Variants in IMPG1 observed in about 807,000 individuals in gnomAD.
The protein encoded by IMPG1 is interphotoreceptor matrix proteoglycan 1, also known as interphotoreceptor matrix proteoglycan of 150 kDa.
IMPG1 carries 85 observed loss-of-function variants against 92.0 expected under a neutral mutation model. That is an observed-to-expected ratio of 0.92 (90% CI 0.78 to 1.11). The LOEUF (loss-of-function observed/expected upper bound fraction) is 1.11, where lower values mean the gene tolerates loss of function less well. Ranked by LOEUF, IMPG1 falls within the 50% of genes least tolerant of loss-of-function variation. IMPG1 has a pLI of 0.00. For missense variants in IMPG1, 1,022 were observed against 956.0 expected (o/e 1.07, Z -0.91); for synonymous variants, 367 against 334.1 (o/e 1.10, Z -1.08).
At chr6:76,043,833 A>G (rs759229818) in intron 1 of IMPG1, among the ~76,000 whole-genome samples, 2 of 152,218 alleles carry the variant, frequency 1.3e-5, no homozygotes, top group Non-Finnish European at 2.9e-5. Context: ...CTGTCCCTTC[A>G]TGTGGTGATG....
In IMPG1 at chr6:76,012,998, T is replaced by C. The variant is rs148758992; in HGVS notation, c.808-1774A>G. Among the ~76,000 whole-genome samples the C allele has an allele frequency of 2.0e-4, 31 of 152,188 alleles. 1 individual carries two copies. In the East Asian group the frequency reaches 5.6e-3, roughly 28 times the overall value. On this transcript the variant is annotated intron_variant, in intron 7 of 16. Transcript: ENST00000369950. ...GTTTGAATTCCACAAGGTCTTTTGT[T>C]TTCACCATGTTCTCATTCACAGGTC...
At chr6:75,947,143 G>A (rs1470213877) in intron 14 of IMPG1, among the ~76,000 whole-genome samples, 171 bp downstream of exon 14, 7 of 152,166 alleles carry the variant, frequency 4.6e-5, no homozygotes, top group Non-Finnish European at 7.3e-5. Context: ...GCATGTCTTT[G>A]GACTCTACCT....
intron 15 of IMPG1, chr6:75,928,668 A>C (rs558411737): frequency 1.3e-5 from 2 of 152,324 alleles, no homozygotes; most frequent in South Asian, 4.1e-4. Context: ...CTCATTATTA[A>C]AAATCCTGGA....
intron 4 of IMPG1, among the ~76,000 whole-genome samples, chr6:76,030,966 G>A (rs989324220): frequency 1.3e-5 from 2 of 152,086 alleles, no homozygotes; most frequent in African/African-American, 4.8e-5. Context: ...GTTTGGTGCG[G>A]AACCTGGGAT....
intron 5 of IMPG1, chr6:76,024,988 TG>T (rs1783498268): frequency 1.6e-6 from 1 of 611,578 alleles, no homozygotes; most frequent in Admixed American, 2.2e-5. Context: ...AGATATTGAA[TG>T]GTTTGGTTTT....
At chr6:76,053,676 A>T (rs1784077675) in intron 1 of IMPG1, among the ~76,000 whole-genome samples, 1 of 152,106 alleles carries the variant, frequency 6.6e-6, no homozygotes, top group African/African-American at 2.4e-5. Context: ...AATTTGTATC[A>T]TCCGATTCCT....
At chr6:76,026,493 G>A (rs1247184664) in intron 4 of IMPG1, among the ~76,000 whole-genome samples, 1 of 152,160 alleles carries the variant, frequency 6.6e-6, no homozygotes, top group Non-Finnish European at 1.5e-5. Context: ...GCAGTGAGCA[G>A]CAGCTCCCCG....
intron 12 of IMPG1, among the ~76,000 whole-genome samples, chr6:75,995,729 G>A (rs1782887931): frequency 6.6e-6 from 1 of 152,184 alleles, no homozygotes; most frequent in Non-Finnish European, 1.5e-5. Context: ...TGGCTGTTAA[G>A]CATTTACTAG....
intron 1 of IMPG1, among the ~76,000 whole-genome samples, chr6:76,046,152 T>A (rs2127595273): frequency 6.6e-6 from 1 of 152,256 alleles, no homozygotes; most frequent in South Asian, 2.1e-4. Context: ...CTTCCATATA[T>A]CAGTCCTATT....
At chr6:75,962,554 A>G (rs188001012) in intron 12 of IMPG1, among the ~76,000 whole-genome samples, 10 of 152,190 alleles carry the variant, frequency 6.6e-5, no homozygotes, top group African/African-American at 2.4e-4. Flanking sequence ...AGAAGGGATC[A>G]AGGAATCCAA....
intron 1 of IMPG1, among the ~76,000 whole-genome samples, chr6:76,053,701 A>T (rs973951437): frequency 6.6e-6 from 1 of 152,088 alleles, no homozygotes; most frequent in Non-Finnish European, 1.5e-5. Flanking sequence ...TATCTGAAGT[A>T]CTTATATCAG....
intron 1 of IMPG1, among the ~76,000 whole-genome samples, chr6:76,063,805 C>G (rs1029957643): frequency 6.6e-6 from 1 of 152,220 alleles, no homozygotes; most frequent in African/African-American, 2.4e-5. Context: ...TGTTCCAGCC[C>G]TCAGGGAGTG....
chr6:76,041,232 C>T (rs925913821), intron 2 of IMPG1, among the ~76,000 whole-genome samples: 7 of 152,104 alleles, frequency 4.6e-5, no homozygotes, highest in Admixed American at 2.6e-4. Flanking sequence ...CTGTGATTAA[C>T]TCCTTAATGG....
At chr6:75,997,136 G>C (rs574188191) in intron 12 of IMPG1, among the ~76,000 whole-genome samples, 1 of 152,168 alleles carries the variant, frequency 6.6e-6, no homozygotes, top group Non-Finnish European at 1.5e-5. Flanking sequence ...CATAAAGATT[G>C]TATCTAGGGA....
At chr6:75,982,971 G>A (rs887612629) in intron 12 of IMPG1, among the ~76,000 whole-genome samples, 3 of 152,132 alleles carry the variant, frequency 2.0e-5, no homozygotes, top group African/African-American at 7.2e-5. Flanking sequence ...TCTAGAGAAT[G>A]TCCCTGGGGC....
chr6:75,932,876 T>G (rs1336444700), intron 14 of IMPG1, among the ~76,000 whole-genome samples: 1 of 152,058 alleles, frequency 6.6e-6, no homozygotes, highest in African/African-American at 2.4e-5. Flanking sequence ...AATTTTTGTA[T>G]TTTTAGTAGA....
At chr6:76,052,457 G>A (rs1311604533) in intron 1 of IMPG1, among the ~76,000 whole-genome samples, 5 of 152,170 alleles carry the variant, frequency 3.3e-5, no homozygotes, top group Admixed American at 1.3e-4. Context: ...CTCGAATGAC[G>A]TACATTAACA....
intron 8 of IMPG1, 137 bp downstream of exon 8, chr6:76,011,029 A>G: frequency 1.7e-6 from 1 of 586,880 alleles, no homozygotes; most frequent in Non-Finnish European, 3.1e-6. Flanking sequence ...TTTATCTGAA[A>G]CGTACTCCGT....
rs1262884078 is a variant in IMPG1, at chr6:76,005,269, A to C, written c.1135+18T>G. ...CCAAAATGAGAATAAACTCAGAACT[A>C]AGCAATCATTAACTGACCATCAGTG... is the stretch of plus-strand genomic sequence containing the variant. On this transcript the variant is annotated intron_variant, in intron 10 of 16. Coordinates refer to ENST00000369950, the MANE Select transcript of IMPG1 (RefSeq NM_001563.4). 6.2e-7 allele frequency: 1 copy of C among 1,611,802 alleles called. No individual in the cohort carries two copies. The highest frequency in any genetic ancestry group is 1.3e-5 in the African/African-American group (1 of 74,964).
Sources: allele counts gnomAD v4.1 joint callset (sites outside exome capture counted in the v4.1 genomes callset), GRCh38; gene constraint gnomAD v4.1.1; transcripts MANE v1.5; gene names NCBI Gene and HGNC (gene_info 2026-07-23, HGNC 2026-07-21).